The following DLG2 variants were observed in gnomAD, a reference collection of about 807,000 sequenced individuals.
The protein encoded by DLG2 is discs large MAGUK scaffold protein 2.
In DLG2, 45 loss-of-function variants were observed where a neutral mutation model predicts 132.5. The observed-to-expected ratio is 0.34, with a 90% CI of 0.27 to 0.44. The LOEUF (loss-of-function observed/expected upper bound fraction) is 0.44, where lower values mean the gene tolerates loss of function less well. Ranked by LOEUF, DLG2 falls within the 20% of genes least tolerant of loss-of-function variation. DLG2 has a pLI of 1.00. For missense variants in DLG2, 1,045 were observed against 1,196.9 expected, an observed-to-expected ratio of 0.87 and a Z score of 1.87; for synonymous variants, 424 against 419.6, an observed-to-expected ratio of 1.01 and a Z score of -0.13.
At chr11:83,710,788 A>G (rs2085231137) in intron 18 of DLG2, among the ~76,000 whole-genome samples, 1 of 152,188 alleles carries the variant, frequency 6.6e-6, no homozygotes, top group African/African-American at 2.4e-5. Context: ...TCTAGTAGCG[A>G]GAAGAAGCTG....
chr11:84,878,680 T>C (rs1361660453), intron 6 of DLG2, among the ~76,000 whole-genome samples: 2 of 152,010 alleles, frequency 1.3e-5, no homozygotes, highest in African/African-American at 2.4e-5. Flanking sequence ...GTTCTGCACA[T>C]GTATACCAGA....
intron 18 of DLG2, among the ~76,000 whole-genome samples, chr11:83,713,033 T>A (rs1444642729): frequency 6.6e-6 from 1 of 151,974 alleles, no homozygotes; most frequent in African/African-American, 2.4e-5. Context: ...ATTTGTTTAA[T>A]TGCAAACTGA....
chr11:85,021,701 A>G (rs1384535007), intron 6 of DLG2: 4 of 892,712 alleles, frequency 4.5e-6, no homozygotes, highest in South Asian at 2.9e-5. Flanking sequence ...GTGGCTGAAG[A>G]TCAAAAAAAA....
chr11:84,851,770 A>C (rs1361366538), intron 6 of DLG2, among the ~76,000 whole-genome samples: 1 of 151,948 alleles, frequency 6.6e-6, no homozygotes. Flanking sequence ...AGAGTCATTA[A>C]CAGACAAGGT....
chr11:84,253,215 G>A (rs1014471229), intron 7 of DLG2, among the ~76,000 whole-genome samples: 4 of 152,120 alleles, frequency 2.6e-5, no homozygotes, highest in African/African-American at 9.7e-5. Flanking sequence ...AAAAAGGTAT[G>A]AGGTCTGCAG....
At chr11:85,112,351 A>C (rs2152324798) in intron 5 of DLG2, among the ~76,000 whole-genome samples, 1 of 152,202 alleles carries the variant, frequency 6.6e-6, no homozygotes, top group South Asian at 2.1e-4. Flanking sequence ...ATCTCTAGTT[A>C]ACCTATACTT....
chr11:83,636,782 C>T (rs555802679), intron 18 of DLG2, among the ~76,000 whole-genome samples: 64 of 152,210 alleles, frequency 4.2e-4, no homozygotes, highest in Admixed American at 2.9e-3. Context: ...GCCATGCTTT[C>T]GAAATGTTTT....
At chr11:84,197,036 C>CA (rs60877284) in intron 8 of DLG2, among the ~76,000 whole-genome samples, 1,043 of 87,818 alleles carry the variant, frequency 0.012, 22 homozygotes, top group African/African-American at 0.038. Flanking sequence ...GACTCTTTCT[C>CA]AAAAAAAAAA....
chr11:83,782,915 T>G (rs1156487814), intron 18 of DLG2, among the ~76,000 whole-genome samples: 1 of 152,180 alleles, frequency 6.6e-6, no homozygotes, highest in Non-Finnish European at 1.5e-5. Context: ...TATTTCCTTC[T>G]GTGAAGTGGC....
At chr11:84,758,153 G>C (rs11234161) in intron 6 of DLG2, among the ~76,000 whole-genome samples, 1 of 152,008 alleles carries the variant, frequency 6.6e-6, no homozygotes, top group Non-Finnish European at 1.5e-5. Flanking sequence ...AATCTAATAA[G>C]GATTGTTTCA....
In DLG2 at chr11:85,598,704, T is replaced by C. The variant is rs762203037; in HGVS notation, c.-8A>G. ...GCTCTTAAAGATACCCATCACCTTT[T>C]TAACCGCATTTTTCAACAGCTGCTC... On this transcript the variant is annotated 5_prime_UTR_variant, in exon 3 of 28. Coordinates refer to ENST00000376104, the MANE Select transcript of DLG2 (RefSeq NM_001142699.3). 1.3e-6 allele frequency: 2 copies of C among 1,579,308 alleles called. No homozygotes were observed. Among genetic ancestry groups the C allele is most frequent in the Non-Finnish European group, 1.7e-6 (2 of 1,165,220 alleles).
At chr11:85,035,080 T>G (rs1189023788) in intron 6 of DLG2, among the ~76,000 whole-genome samples, 1 of 152,226 alleles carries the variant, frequency 6.6e-6, no homozygotes, top group East Asian at 1.9e-4. Flanking sequence ...GAATTTCTAT[T>G]TCTTCCTGTA....
chr11:83,499,635 A>G (rs1378766653), intron 21 of DLG2, among the ~76,000 whole-genome samples: 1 of 150,696 alleles, frequency 6.6e-6, no homozygotes, highest in Non-Finnish European at 1.5e-5. Flanking sequence ...GCCTCCTTAT[A>G]AGGTAAGTCT....
chr11:85,274,460 T>C (rs1293443218), intron 4 of DLG2, among the ~76,000 whole-genome samples: 1 of 152,200 alleles, frequency 6.6e-6, no homozygotes, highest in South Asian at 2.1e-4. Context: ...TCCAACTTAG[T>C]GTTTGAATAA....
Position 83,816,900 on chromosome 11 carries a change from C to T in DLG2, c.1722+16714G>A, listed in dbSNP as rs575273769. Among the ~76,000 whole-genome samples, 33 of 152,274 alleles carry T rather than the reference C, an allele frequency of 2.2e-4. 1 individual carries two copies. The South Asian group carries it at 6.6e-3, about 31-fold the overall frequency. Reference sequence around the variant, plus strand: ...AAGTTTGGTTAGGTTACACACATTCCTGTCAGCTGGAAACCTTTAAATAAT... The same window carrying T: ...AAGTTTGGTTAGGTTACACACATTCTTGTCAGCTGGAAACCTTTAAATAAT... On this transcript the variant is annotated intron_variant, in intron 17 of 27. Transcript: ENST00000376104.
At chr11:83,606,732 C>G (rs564421555) in intron 19 of DLG2, among the ~76,000 whole-genome samples, 12 of 151,830 alleles carry the variant, frequency 7.9e-5, no homozygotes, top group Non-Finnish European at 1.2e-4. Flanking sequence ...TCAAGACCAT[C>G]CTGGCTAATA....
intron 18 of DLG2, among the ~76,000 whole-genome samples, chr11:83,712,173 G>C (rs2085596396): frequency 6.6e-6 from 1 of 152,038 alleles, no homozygotes; most frequent in African/African-American, 2.4e-5. Flanking sequence ...ACACCTAAAG[G>C]AATATAAGTC....
chr11:84,902,435 C>T (rs10898317), intron 6 of DLG2, among the ~76,000 whole-genome samples: 80,854 of 151,958 alleles, frequency 0.53, 21,808 homozygotes, highest in South Asian at 0.62. Context: ...TATCCCCTTA[C>T]AGAAGCCGAA....
intron 10 of DLG2, among the ~76,000 whole-genome samples, chr11:84,064,708 A>ATATATTTTATATATATAT (rs2096645085): frequency 6.6e-6 from 1 of 152,190 alleles, no homozygotes; most frequent in South Asian, 2.1e-4. Flanking sequence ...ATAGTGAGGG[A>ATATATTTTATATATATAT]AAAATACTAA....
Sources: allele counts gnomAD v4.1 joint callset (sites outside exome capture counted in the v4.1 genomes callset), GRCh38; gene constraint gnomAD v4.1.1; transcripts MANE v1.5; gene names NCBI Gene and HGNC (gene_info 2026-07-23, HGNC 2026-07-21).